BICRAL: variants seen among roughly 807,000 people sequenced by gnomAD.
The protein encoded by BICRAL is BRD4-interacting chromatin-remodeling complex-associated protein-like.
Under a neutral mutation model 91.8 loss-of-function variants are expected in BICRAL, and 8 were observed. The observed-to-expected ratio is 0.09, with a 90% CI of 0.05 to 0.16. The LOEUF (loss-of-function observed/expected upper bound fraction) is 0.16. BICRAL is among the 10% of genes least tolerant of loss of function. The pLI, the probability that BICRAL is intolerant of heterozygous loss-of-function variation, is 1.00. For missense variants in BICRAL, 1,038 were observed against 1,310.9 expected, an observed-to-expected ratio of 0.79 and a Z score of 3.21; for synonymous variants, 445 against 491.1, an observed-to-expected ratio of 0.91 and a Z score of 1.24.
chr6:42,833,857 ATTG>A (rs1205018810), intron 6 of BICRAL, among the ~76,000 whole-genome samples: 1 of 151,720 alleles, frequency 6.6e-6, no homozygotes, highest in Non-Finnish European at 1.5e-5. Context: ...TATTATTATT[ATTG>A]TTATTATTAT....
chr6:42,830,570 A>AT lies in BICRAL; in HGVS notation c.1839+407dup, dbSNP rs1554280398. ...TGAGACCCTGTCTCAAAAAAAAAAA[A>AT]TTTTTTTTTACACTTATGACTGGTT... is the stretch of plus-strand genomic sequence containing the variant. On this transcript the variant is annotated intron_variant, in intron 6 of 12. Transcript: ENST00000314073. 6.0e-5 allele frequency among the ~76,000 whole-genome samples: 9 copies of AT among 149,970 alleles called. No individual in the cohort carries two copies. In the East Asian group the frequency reaches 9.8e-4, roughly 16 times the overall value.
chr6:42,856,197 G>A (rs1765345979), intron 9 of BICRAL, among the ~76,000 whole-genome samples: 1 of 151,656 alleles, frequency 6.6e-6, no homozygotes, highest in Non-Finnish European at 1.5e-5. Context: ...CGGGCCTGTA[G>A]TCCCAGCTAC....
chr6:42,834,557 C>T (rs1437912107), intron 6 of BICRAL, among the ~76,000 whole-genome samples: 2 of 152,124 alleles, frequency 1.3e-5, no homozygotes, highest in Non-Finnish European at 2.9e-5. Context: ...TAAGGAACAG[C>T]TTTTCCTTTT....
intron 6 of BICRAL, among the ~76,000 whole-genome samples, chr6:42,840,855 C>G (rs984350408): frequency 6.6e-6 from 1 of 151,620 alleles, no homozygotes; most frequent in Non-Finnish European, 1.5e-5. Flanking sequence ...GGGTGGATCA[C>G]TTGAGGTCAG....
chr6:42,853,490 C>G (rs1031870009), intron 7 of BICRAL, 148 bp from the exon 8 acceptor site: 2 of 609,830 alleles, frequency 3.3e-6, no homozygotes, highest in Non-Finnish European at 5.9e-6. Context: ...AATGCACTAC[C>G]CTGCCCTCCT....
Position 42,853,749 on chromosome 6 carries a change from A to AT in BICRAL, c.2046+13dup. 2 of 1,528,164 alleles carry AT rather than the reference A, an allele frequency of 1.3e-6. No individual in the cohort carries two copies. Among genetic ancestry groups the AT allele is most frequent in the Non-Finnish European group, 1.8e-6 (2 of 1,101,586 alleles). 94.7% of individuals were successfully genotyped at this position (1,528,164 alleles called of 1,614,324 possible). A position where few individuals can be genotyped will look rare whatever the true frequency, so the allele number is the denominator to read the frequency against. On this transcript the variant is annotated intron_variant, in intron 8 of 12. Transcript: ENST00000314073. Reference sequence around the variant, plus strand: ...CATCCAGCTGTGCAGGTAGAAAACTATTGGCATAGCCTCTTCCTAATGTTC... The same window carrying AT: ...CATCCAGCTGTGCAGGTAGAAAACTATTTGGCATAGCCTCTTCCTAATGTTC...
chr6:42,782,658 G>GAGGGA (rs2113860428), intron 1 of BICRAL, among the ~76,000 whole-genome samples: 1 of 149,646 alleles, frequency 6.7e-6, no homozygotes, highest in South Asian at 2.2e-4. Context: ...GAGGGGAGGG[G>GAGGGA]AGGGAAGCCT....
upstream of BICRAL, among the ~76,000 whole-genome samples, chr6:42,746,435 C>T (rs527272894): frequency 3.1e-3 from 475 of 152,190 alleles, 5 homozygotes; most frequent in Non-Finnish European, 2.7e-3. Context: ...GCAGGCCTCC[C>T]CCTCCCCCCA....
chr6:42,842,435 C>T (rs558042580), intron 6 of BICRAL, among the ~76,000 whole-genome samples: 2 of 152,148 alleles, frequency 1.3e-5, no homozygotes, highest in Admixed American at 6.6e-5. Flanking sequence ...CTCATTCCCA[C>T]GGGAGAAAGC....
At chr6:42,799,482 G>T (rs1446038897) in intron 1 of BICRAL, among the ~76,000 whole-genome samples, 2 of 151,624 alleles carry the variant, frequency 1.3e-5, no homozygotes, top group Non-Finnish European at 2.9e-5. Flanking sequence ...TTTTAGTAGA[G>T]ATGGGGTTTC....
At chr6:42,758,173 C>CT (rs922742405) in intron 1 of BICRAL, among the ~76,000 whole-genome samples, 5 of 152,314 alleles carry the variant, frequency 3.3e-5, no homozygotes, top group African/African-American at 9.6e-5. Flanking sequence ...CTTCTTCTCC[C>CT]TGGGCTATTG....
At position 42,818,313 on chromosome 6, in the gene BICRAL, T is replaced by G. The variant is rs79503889; in HGVS notation, c.-5-3705T>G. Among the ~76,000 whole-genome samples, 1,164 of 147,958 alleles carry G rather than the reference T, an allele frequency of 7.9e-3. 26 individuals are homozygous for G. The highest frequency in any genetic ancestry group is 0.048 in the East Asian group (246 of 5,178). On this transcript the variant is annotated intron_variant, in intron 2 of 12. Transcript: ENST00000314073. ...ATTTCCTTTTCTGTGAATTGATTGCTCATAAACTGATTAAATCTTTGATAT... is the reference window on the plus strand; with the variant it reads ...ATTTCCTTTTCTGTGAATTGATTGCGCATAAACTGATTAAATCTTTGATAT...
At chr6:42,758,821 A>T (rs1762500406) in intron 1 of BICRAL, among the ~76,000 whole-genome samples, 1 of 152,054 alleles carries the variant, frequency 6.6e-6, no homozygotes, top group Admixed American at 6.6e-5. Flanking sequence ...TGGAGTACCC[A>T]CTATGTTCTA....
chr6:42,779,572 T>G (rs571812191), upstream of BICRAL, among the ~76,000 whole-genome samples: 1 of 152,336 alleles, frequency 6.6e-6, no homozygotes, highest in African/African-American at 2.4e-5. Context: ...TGATACTGTG[T>G]AATACTAAAT....
At chr6:42,840,631 G>A (rs1764765987) in intron 6 of BICRAL, among the ~76,000 whole-genome samples, 1 of 152,002 alleles carries the variant, frequency 6.6e-6, no homozygotes, top group African/African-American at 2.4e-5. Context: ...CCACCTCCCA[G>A]TTCAAGCAAT....
rs1765713283 is a variant in BICRAL at position 42,866,474 on chromosome 6, C to T, written c.*1028C>T. 5.6e-6 allele frequency: 1 copy of T among 179,636 alleles called. No individual in the cohort carries two copies. The highest frequency in any genetic ancestry group is 1.2e-5 in the Non-Finnish European group (1 of 83,770). The allele number at this position is 179,636 out of a possible 1,614,324, so 11.1% of individuals were successfully genotyped here. ...ACCCTCTCCCACAACAAATACCAAG[C>T]ATCAAAAGCACTTTCATTTGAAAAT... On this transcript the variant is annotated 3_prime_UTR_variant, in exon 13 of 13. Transcript: ENST00000314073.
chr6:42,784,244 C>T (rs187910545), intron 1 of BICRAL, among the ~76,000 whole-genome samples: 242 of 152,202 alleles, frequency 1.6e-3, no homozygotes, highest in Non-Finnish European at 2.9e-3. Context: ...TTCTAAAAAG[C>T]AAAACTGCAT....
rs60189187 is a variant in BICRAL, at chr6:42,850,451, T to G, written c.1840-1641T>G. ...AGGAGAATCACTTGAACCTGGGTGG[T>G]GGAGGTTGCAGTGAGCTAAGATCAC... is the stretch of plus-strand genomic sequence containing the variant. On this transcript the variant is annotated intron_variant, in intron 6 of 12. Coordinates refer to ENST00000314073, the MANE Select transcript of BICRAL (RefSeq NM_001393499.1). 2.6e-3 allele frequency among the ~76,000 whole-genome samples: 387 copies of G among 149,680 alleles called. 1 individual carries two copies. The highest frequency in any genetic ancestry group is 9.0e-3 in the African/African-American group (367 of 40,648).
chr6:42,839,419 C>A (rs1413283814), intron 6 of BICRAL, among the ~76,000 whole-genome samples: 1 of 152,082 alleles, frequency 6.6e-6, no homozygotes, highest in Non-Finnish European at 1.5e-5. Flanking sequence ...GCTAGGATTA[C>A]AGATGTGACC....
Sources: gnomAD v4.1 joint callset for allele counts (sites outside exome capture counted in the v4.1 genomes callset) on GRCh38, gnomAD v4.1.1 for gene constraint, MANE v1.5 for transcripts, NCBI Gene and HGNC (gene_info 2026-07-23, HGNC 2026-07-21) for gene names.